Variants in NPAS3 observed in about 807,000 individuals in gnomAD.
NPAS3 encodes neuronal PAS domain-containing protein 3.
A neutral mutation model predicts 73.1 loss-of-function variants in NPAS3; 14 were observed. That is an observed-to-expected ratio of 0.19 (90% confidence interval 0.13 to 0.30). NPAS3 has a LOEUF of 0.30. Among genes scored for constraint, NPAS3 ranks in the 10% least tolerant of loss-of-function variants. The probability of loss-of-function intolerance (pLI) is 1.00; values close to 1 mark genes in which losing one functional copy is unlikely to be tolerated. For missense variants in NPAS3, 1,096 were observed against 1,250.0 expected, an observed-to-expected ratio of 0.88 and a Z score of 1.86; for synonymous variants, 620 against 541.5, an observed-to-expected ratio of 1.14 and a Z score of -2.01.
At chr14:33,528,427 A>T (rs2053898823) in intron 4 of NPAS3, among the ~76,000 whole-genome samples, 1 of 151,990 alleles carries the variant, frequency 6.6e-6, no homozygotes. Flanking sequence ...TGGAAATATT[A>T]ATAAATAATT....
At chr14:33,036,226 G>A (rs1478423940) in intron 1 of NPAS3, among the ~76,000 whole-genome samples, 1 of 152,142 alleles carries the variant, frequency 6.6e-6, no homozygotes, top group Non-Finnish European at 1.5e-5. Flanking sequence ...TGCCTCAGTA[G>A]GGTAGGAAGC....
At chr14:33,251,394 T>G (rs1342644498) in intron 3 of NPAS3, among the ~76,000 whole-genome samples, 2 of 152,074 alleles carry the variant, frequency 1.3e-5, no homozygotes, top group Non-Finnish European at 2.9e-5. Context: ...AGAAGTCAAA[T>G]GTGGCTAAGA....
chr14:33,073,083 C>T (rs970187305), intron 2 of NPAS3, among the ~76,000 whole-genome samples: 2 of 152,028 alleles, frequency 1.3e-5, no homozygotes, highest in Non-Finnish European at 2.9e-5. Context: ...CCATTTTAAT[C>T]ACTGGGCAAA....
chr14:33,296,749 G>T (rs1045104383), intron 3 of NPAS3, among the ~76,000 whole-genome samples: 1 of 152,186 alleles, frequency 6.6e-6, no homozygotes, highest in Non-Finnish European at 1.5e-5. Flanking sequence ...GAAGTGTTCA[G>T]TTTAGATGAC....
intron 4 of NPAS3, among the ~76,000 whole-genome samples, chr14:33,441,310 T>G (rs993974234): frequency 2.0e-5 from 3 of 152,222 alleles, no homozygotes; most frequent in Non-Finnish European, 4.4e-5. Context: ...TAGAGAGACT[T>G]CTGCAACATT....
intron 3 of NPAS3, among the ~76,000 whole-genome samples, chr14:33,252,639 TA>T (rs1422065700): frequency 1.4e-5 from 2 of 137,956 alleles, no homozygotes; most frequent in Admixed American, 7.0e-5. Flanking sequence ...AATAGTTATC[TA>T]TTTTTTTTTT....
At chr14:33,240,380 T>C (rs2048175653) in intron 3 of NPAS3, among the ~76,000 whole-genome samples, 1 of 151,818 alleles carries the variant, frequency 6.6e-6, no homozygotes, top group Admixed American at 6.6e-5. Flanking sequence ...TTTTTCTTTT[T>C]AATATATTTC....
At chr14:33,269,677 G>A (rs1023187116) in intron 3 of NPAS3, among the ~76,000 whole-genome samples, 3 of 152,118 alleles carry the variant, frequency 2.0e-5, no homozygotes, top group African/African-American at 7.2e-5. Flanking sequence ...TCCAGCTCAC[G>A]AGCATGACTT....
chr14:33,544,825 A>ATATATATATATATATATATATAAT, intron 4 of NPAS3, among the ~76,000 whole-genome samples: 1 of 112,190 alleles, frequency 8.9e-6, no homozygotes, highest in African/African-American at 4.1e-5. Flanking sequence ...TATATAATAT[A>ATATATATATATATATATATATAAT]TATGTGTATA....
intron 5 of NPAS3, among the ~76,000 whole-genome samples, chr14:33,639,458 T>C (rs2058615973): frequency 6.6e-6 from 1 of 152,190 alleles, no homozygotes; most frequent in Non-Finnish European, 1.5e-5. Flanking sequence ...CTTTTCTGTG[T>C]AAGGTCTCGC....
intron 1 of NPAS3, among the ~76,000 whole-genome samples, chr14:33,036,262 G>A (rs2040165234): frequency 6.6e-6 from 1 of 152,142 alleles, no homozygotes; most frequent in Admixed American, 6.5e-5. Flanking sequence ...TTCTGGGCTA[G>A]TTTCCAGAAG....
intron 2 of NPAS3, among the ~76,000 whole-genome samples, chr14:33,136,058 C>CTTTTTTTT (rs34308954): frequency 6.1e-5 from 7 of 115,442 alleles, no homozygotes; most frequent in South Asian, 2.8e-4. Flanking sequence ...TACCTTTTTT[C>CTTTTTTTT]TTTTTTTTTT....
intron 2 of NPAS3, among the ~76,000 whole-genome samples, chr14:33,092,482 T>C (rs902978657): frequency 2.8e-4 from 43 of 152,148 alleles, no homozygotes; most frequent in Non-Finnish European, 5.0e-4. Flanking sequence ...CACAAACAAA[T>C]GGAAGAACAT....
At chr14:33,278,229 T>C (rs1005269726) in intron 3 of NPAS3, among the ~76,000 whole-genome samples, 1 of 152,108 alleles carries the variant, frequency 6.6e-6, no homozygotes, top group African/African-American at 2.4e-5. Context: ...TTTAAGGAGA[T>C]GTCATGTCAA....
intron 5 of NPAS3, among the ~76,000 whole-genome samples, chr14:33,673,486 G>A (rs1031261081): frequency 6.6e-6 from 1 of 152,152 alleles, no homozygotes; most frequent in African/African-American, 2.4e-5. Flanking sequence ...GTGCCAAAGT[G>A]GGACACAAAA....
At chr14:32,964,237 A>G (rs1486814326) in intron 1 of NPAS3, among the ~76,000 whole-genome samples, 1 of 151,120 alleles carries the variant, frequency 6.6e-6, no homozygotes, top group East Asian at 2.0e-4. Context: ...ACTCTGTGCT[A>G]AGAGTGTTTT....
At chr14:32,988,534 T>C (rs1383135507) in intron 1 of NPAS3, among the ~76,000 whole-genome samples, 1 of 152,242 alleles carries the variant, frequency 6.6e-6, no homozygotes, top group African/African-American at 2.4e-5. Context: ...GATTCAAGCT[T>C]TCAACTGGTC....
At chr14:33,586,648 A>G (rs1234855130) in intron 5 of NPAS3, among the ~76,000 whole-genome samples, 3 of 152,248 alleles carry the variant, frequency 2.0e-5, no homozygotes, top group Admixed American at 2.0e-4. Flanking sequence ...TAATGCCAAT[A>G]CATTTTCTAA....
intron 5 of NPAS3, among the ~76,000 whole-genome samples, chr14:33,637,026 A>G (rs1354850289): frequency 6.6e-6 from 1 of 152,200 alleles, no homozygotes; most frequent in Non-Finnish European, 1.5e-5. Flanking sequence ...CAGGGTAGGC[A>G]GAGACATTTT....
Sources: gnomAD v4.1 joint callset for allele counts (sites outside exome capture counted in the v4.1 genomes callset) on GRCh38, gnomAD v4.1.1 for gene constraint, MANE v1.5 for transcripts, NCBI Gene and HGNC (gene_info 2026-07-23, HGNC 2026-07-21) for gene names.